DIAPH3: variants seen among roughly 807,000 people sequenced by gnomAD.
DIAPH3 encodes diaphanous related formin 3.
A neutral mutation model predicts 144.3 loss-of-function variants in DIAPH3; 117 were observed. The ratio of observed to expected loss-of-function variants is 0.81; its 90% confidence interval spans 0.70 to 0.95. DIAPH3 has a LOEUF of 0.95. DIAPH3 is among the 40% of genes least tolerant of loss of function. DIAPH3 has a pLI of 0.00. For synonymous variants in DIAPH3, 519 were observed against 488.9 expected (o/e 1.06, Z -0.81); for missense variants, 1,421 against 1,412.7 (o/e 1.01, Z -0.09).
chr13:59,827,477 A>C (rs181134850), intron 24 of DIAPH3, among the ~76,000 whole-genome samples: 2 of 152,186 alleles, frequency 1.3e-5, no homozygotes, highest in Admixed American at 1.3e-4. Flanking sequence ...AGAGGATGAA[A>C]GCATTAGGAA....
At chr13:59,704,483 T>C (rs574890782) in intron 27 of DIAPH3, among the ~76,000 whole-genome samples, 2 of 152,332 alleles carry the variant, frequency 1.3e-5, no homozygotes, top group East Asian at 3.9e-4. Flanking sequence ...AAGCTTGCTG[T>C]GGTTATTTTT....
At chr13:60,134,605 G>A (rs1025853240) in intron 1 of DIAPH3, among the ~76,000 whole-genome samples, 2 of 152,106 alleles carry the variant, frequency 1.3e-5, no homozygotes, top group African/African-American at 4.8e-5. Context: ...TATTGCATTT[G>A]GTTAACCACA....
chr13:59,718,503 A>G (rs948289502), intron 27 of DIAPH3, among the ~76,000 whole-genome samples: 4 of 152,226 alleles, frequency 2.6e-5, no homozygotes, highest in Non-Finnish European at 4.4e-5. Flanking sequence ...GATCCTACTC[A>G]TAGCTACTAA....
chr13:60,143,623 C>A lies in DIAPH3; in HGVS notation c.181-10634G>T, dbSNP rs146258837. ...AATAGTCTTCTCCTCCTCTAGGGCC[C>A]CATAACCAGTCTGTAATCCATCTAA... is the stretch of plus-strand genomic sequence containing the variant. On this transcript the variant is annotated intron_variant, in intron 1 of 27. Coordinates refer to ENST00000400324, the MANE Select transcript of DIAPH3 (RefSeq NM_001042517.2). Among the ~76,000 whole-genome samples the A allele has an allele frequency of 3.3e-3, 501 of 152,274 alleles. 3 individuals carry two copies. Among genetic ancestry groups the A allele is most frequent in the African/African-American group, 0.011 (477 of 41,544 alleles).
chr13:59,852,444 A>G (rs926916967), intron 22 of DIAPH3, among the ~76,000 whole-genome samples: 1 of 152,166 alleles, frequency 6.6e-6, no homozygotes, highest in Non-Finnish European at 1.5e-5. Flanking sequence ...TCAGAGTTGA[A>G]GAGTTGCTGG....
chr13:59,832,937 G>GAGAAC, intron 24 of DIAPH3, 170 bp downstream of exon 24: 1 of 640,106 alleles, frequency 1.6e-6, no homozygotes. Context: ...AGGCCAAAAG[G>GAGAAC]AGAACAAACC....
intron 18 of DIAPH3, among the ~76,000 whole-genome samples, chr13:59,917,283 T>C (rs931913540): frequency 6.6e-6 from 1 of 152,144 alleles, no homozygotes; most frequent in Non-Finnish European, 1.5e-5. Flanking sequence ...TATAAGGAAC[T>C]TGAGCATCTG....
intron 24 of DIAPH3, among the ~76,000 whole-genome samples, chr13:59,815,095 G>A (rs993519589): frequency 2.0e-5 from 3 of 151,852 alleles, no homozygotes; most frequent in Non-Finnish European, 4.4e-5. Flanking sequence ...ATTCATTGTT[G>A]GAATCAACAT....
chr13:59,810,945 A>T, intron 24 of DIAPH3, 22 bp from the exon 25 acceptor site: 1 of 1,590,452 alleles, frequency 6.3e-7, no homozygotes, highest in Non-Finnish European at 8.6e-7. Context: ...TTGAAAAATG[A>T]TCAATTTTAA....
intron 19 of DIAPH3, among the ~76,000 whole-genome samples, chr13:59,914,586 T>C (rs1216932980): frequency 1.3e-5 from 2 of 152,198 alleles, no homozygotes; most frequent in African/African-American, 4.8e-5. Context: ...TATTTGGATG[T>C]ACTCAATGTA....
chr13:59,725,259 A>G (rs2035552049), intron 27 of DIAPH3, among the ~76,000 whole-genome samples: 1 of 152,218 alleles, frequency 6.6e-6, no homozygotes, highest in Admixed American at 6.5e-5. Context: ...CTTAGTCTGT[A>G]GATATTCAGC....
intron 4 of DIAPH3, among the ~76,000 whole-genome samples, chr13:60,074,473 C>T (rs1209989023): frequency 6.6e-6 from 1 of 152,174 alleles, no homozygotes; most frequent in East Asian, 1.9e-4. Context: ...GCTCTTTATA[C>T]CACATTATCC....
intron 25 of DIAPH3, among the ~76,000 whole-genome samples, chr13:59,807,233 A>G (rs1218619364): frequency 6.6e-6 from 1 of 151,980 alleles, no homozygotes; most frequent in African/African-American, 2.4e-5. Flanking sequence ...ATCATCATTT[A>G]TTGGGGTTTT....
chr13:60,159,070 A>C (rs914817020), intron 1 of DIAPH3, among the ~76,000 whole-genome samples: 1 of 152,128 alleles, frequency 6.6e-6, no homozygotes, highest in Non-Finnish European at 1.5e-5. Flanking sequence ...TAATTGGCAA[A>C]CATGCACTAA....
intron 20 of DIAPH3, among the ~76,000 whole-genome samples, chr13:59,900,651 A>G (rs537106615): frequency 2.2e-4 from 34 of 152,152 alleles, no homozygotes; most frequent in Non-Finnish European, 4.9e-4. Flanking sequence ...CTTGCCCTTC[A>G]CTGCCTCTTG....
At chr13:60,051,711 A>G (rs1470244249) in intron 4 of DIAPH3, among the ~76,000 whole-genome samples, 4 of 152,178 alleles carry the variant, frequency 2.6e-5, no homozygotes, top group Non-Finnish European at 4.4e-5. Flanking sequence ...AGCTGCAAGG[A>G]AAGTTTATCA....
In DIAPH3 at chr13:59,983,793, C is replaced by A. The variant is rs770509780; in HGVS notation, c.1456G>T (p.Asp486Tyr). 18 of 1,606,136 alleles carry A rather than the reference C, an allele frequency of 1.1e-5. No homozygotes were observed. Among genetic ancestry groups the A allele is most frequent in the Non-Finnish European group, 1.5e-5 (18 of 1,174,024 alleles). ...DPDFTYRKRL[D>Y]LDLTQFVDIC... Reference sequence around the variant, plus strand: ...CCTACAAACTGGGTTAAATCTAAATCTAGTCTTTTTCGATATGTGAAGTCT... The same window carrying A: ...CCTACAAACTGGGTTAAATCTAAATATAGTCTTTTTCGATATGTGAAGTCT... Residue 486 changes from aspartate (D) to tyrosine (Y), a missense_variant, in exon 13 of 28, where the codon GAT (aspartate) becomes TAT (tyrosine). Transcript: ENST00000400324.
intron 27 of DIAPH3, among the ~76,000 whole-genome samples, chr13:59,681,257 G>A (rs2032930176): frequency 1.3e-5 from 2 of 152,146 alleles, no homozygotes; most frequent in Non-Finnish European, 2.9e-5. Context: ...GATTGCTTGA[G>A]ACCAGGACTT....
intron 17 of DIAPH3, among the ~76,000 whole-genome samples, chr13:59,940,296 A>T (rs1476217433): frequency 2.0e-5 from 3 of 152,184 alleles, no homozygotes; most frequent in Non-Finnish European, 4.4e-5. Context: ...CATCTTAGTG[A>T]AGAAGAATCT....
Sources: gnomAD v4.1 joint callset for allele counts (sites outside exome capture counted in the v4.1 genomes callset) on GRCh38, gnomAD v4.1.1 for gene constraint, MANE v1.5 for transcripts, NCBI Gene and HGNC (gene_info 2026-07-23, HGNC 2026-07-21) for gene names.